Variants in SNX29 observed in about 807,000 individuals in gnomAD.
SNX29 encodes the protein sorting nexin 29.
SNX29 carries 78 observed loss-of-function variants against 102.1 expected under a neutral mutation model. That is an observed-to-expected ratio of 0.76 (90% confidence interval 0.64 to 0.92). The LOEUF (loss-of-function observed/expected upper bound fraction) is 0.92, where lower values mean the gene tolerates loss of function less well. Among genes scored for constraint, SNX29 ranks in the 40% least tolerant of loss-of-function variants. The pLI, the probability that SNX29 is intolerant of heterozygous loss-of-function variation, is 0.00. For missense variants in SNX29, 1,280 were observed against 1,061.7 expected (o/e 1.21, Z -2.86); for synonymous variants, 580 against 414.5 (o/e 1.40, Z -4.85).
At chr16:12,559,673 C>G (rs2078601553) in intron 20 of SNX29, among the ~76,000 whole-genome samples, 1 of 152,038 alleles carries the variant, frequency 6.6e-6, no homozygotes, top group Admixed American at 6.6e-5. Flanking sequence ...CTACCATGGG[C>G]CTGGGGCAGT....
At chr16:12,378,936 G>A (rs1452455370) in intron 16 of SNX29, among the ~76,000 whole-genome samples, 1 of 152,120 alleles carries the variant, frequency 6.6e-6, no homozygotes, top group African/African-American at 2.4e-5. Context: ...TCTGAACCAT[G>A]TTAGTTAATT....
chr16:12,412,906 C>T (rs1459170007), intron 18 of SNX29, among the ~76,000 whole-genome samples: 2 of 152,198 alleles, frequency 1.3e-5, no homozygotes, highest in Non-Finnish European at 2.9e-5. Context: ...CACTTTCTAG[C>T]CACTCATGTT....
chr16:12,076,225 A>C (rs1398100651), intron 10 of SNX29, among the ~76,000 whole-genome samples: 1 of 152,078 alleles, frequency 6.6e-6, no homozygotes, highest in Non-Finnish European at 1.5e-5. Flanking sequence ...GCAAATGCAG[A>C]AATCACCCAT....
rs2077053363 is a variant in SNX29 at position 12,535,600 on chromosome 16, A to G, written c.2318+10759A>G. ...GGGTATGCACGATTGGCAAGCCTCT[A>G]CCCTTTGTCACTGTCAGTCACACCA... On this transcript the variant is annotated intron_variant, in intron 20 of 20. Coordinates refer to ENST00000566228, the MANE Select transcript of SNX29 (RefSeq NM_032167.5). Among the ~76,000 whole-genome samples, 4 of 151,860 alleles carry G rather than the reference A, an allele frequency of 2.6e-5. No individual in the cohort carries two copies. The South Asian group carries it at 8.3e-4, about 32-fold the overall frequency.
intron 19 of SNX29, among the ~76,000 whole-genome samples, chr16:12,481,554 A>C (rs8045742): frequency 0.066 from 7,714 of 117,598 alleles, 239 homozygotes; most frequent in African/African-American, 0.098. Flanking sequence ...ACACACACAC[A>C]CCCCAAATGT....
At chr16:12,013,500 A>AAAAAAAAAT in intron 3 of SNX29, among the ~76,000 whole-genome samples, 4 of 31,636 alleles carry the variant, frequency 1.3e-4, no homozygotes, top group African/African-American at 2.0e-4. Context: ...AAAAAAAAAA[A>AAAAAAAAAT]ATATATATAT....
chr16:12,423,727 A>G (rs2084953594), intron 18 of SNX29, among the ~76,000 whole-genome samples: 1 of 152,078 alleles, frequency 6.6e-6, no homozygotes, highest in Non-Finnish European at 1.5e-5. Flanking sequence ...CGCACCACCA[A>G]GCCTGGCTAA....
chr16:12,313,754 A>G (rs2080642058), intron 15 of SNX29, among the ~76,000 whole-genome samples: 1 of 152,186 alleles, frequency 6.6e-6, no homozygotes, highest in Non-Finnish European at 1.5e-5. Context: ...TAATTGCCCC[A>G]TTGGTATCAG....
chr16:12,123,645 T>A (rs574888807), intron 11 of SNX29, among the ~76,000 whole-genome samples: 2 of 152,252 alleles, frequency 1.3e-5, no homozygotes, highest in East Asian at 3.9e-4. Context: ...CAGTGTCCTG[T>A]GTGGGTACAG....
intron 15 of SNX29, among the ~76,000 whole-genome samples, chr16:12,303,279 C>T (rs1211219936): frequency 6.6e-6 from 1 of 152,146 alleles, no homozygotes; most frequent in Non-Finnish European, 1.5e-5. Flanking sequence ...CCACGAACAC[C>T]AGGAGAAACA....
At chr16:12,376,221 G>C (rs990092306) in intron 16 of SNX29, among the ~76,000 whole-genome samples, 1 of 152,124 alleles carries the variant, frequency 6.6e-6, no homozygotes, top group African/African-American at 2.4e-5. Context: ...TATCACTGAA[G>C]ACAGCCCCCA....
chr16:12,433,629 T>TAA (rs2085404359), intron 18 of SNX29, among the ~76,000 whole-genome samples: 1 of 72,642 alleles, frequency 1.4e-5, no homozygotes, highest in Non-Finnish European at 2.7e-5. Flanking sequence ...AGACTGCGTC[T>TAA]CAAAAAAAAA....
At chr16:12,534,871 C>T (rs1567666247) in intron 20 of SNX29, among the ~76,000 whole-genome samples, 1 of 152,186 alleles carries the variant, frequency 6.6e-6, no homozygotes, top group Non-Finnish European at 1.5e-5. Flanking sequence ...CCATGGGGGA[C>T]AGTGCCACGA....
chr16:12,541,532 A>G (rs1220116654), intron 20 of SNX29, among the ~76,000 whole-genome samples: 1 of 152,058 alleles, frequency 6.6e-6, no homozygotes, highest in Non-Finnish European at 1.5e-5. Context: ...TTCAGCATGT[A>G]GTTGTTCATC....
chr16:12,349,942 A>G (rs958447726), intron 15 of SNX29, among the ~76,000 whole-genome samples: 2 of 152,198 alleles, frequency 1.3e-5, no homozygotes, highest in Non-Finnish European at 2.9e-5. Context: ...TCACCAAAAA[A>G]CAGTCTAGAA....
intron 14 of SNX29, among the ~76,000 whole-genome samples, chr16:12,265,759 A>T (rs1178325181): frequency 6.7e-6 from 1 of 149,488 alleles, no homozygotes; most frequent in African/African-American, 2.5e-5. Context: ...GTTTGATGGC[A>T]CACGCCTGTA....
chr16:12,422,241 G>A (rs1242685574), intron 18 of SNX29, among the ~76,000 whole-genome samples: 3 of 152,202 alleles, frequency 2.0e-5, no homozygotes, highest in Non-Finnish European at 4.4e-5. Context: ...TATTGCACCT[G>A]TTGGGCCTCA....
chr16:12,357,736 G>C (rs917025034), intron 16 of SNX29, among the ~76,000 whole-genome samples: 2 of 152,018 alleles, frequency 1.3e-5, no homozygotes, highest in Non-Finnish European at 2.9e-5. Context: ...ATTCTACTTT[G>C]TTCCTCTATG....
chr16:12,487,880 G>A (rs1234963751), intron 19 of SNX29, among the ~76,000 whole-genome samples: 1 of 152,102 alleles, frequency 6.6e-6, no homozygotes, highest in Non-Finnish European at 1.5e-5. Context: ...TGTATTAATC[G>A]AGAAGAAGAG....
Sources: allele counts gnomAD v4.1 joint callset (sites outside exome capture counted in the v4.1 genomes callset), GRCh38; gene constraint gnomAD v4.1.1; transcripts MANE v1.5; gene names NCBI Gene and HGNC (gene_info 2026-07-23, HGNC 2026-07-21).